The following CNPY3 variants were observed in gnomAD, a reference collection of about 807,000 sequenced individuals.
CNPY3 encodes the protein protein canopy homolog 3.
Under a neutral mutation model 32.0 loss-of-function variants are expected in CNPY3, and 20 were observed. The observed-to-expected ratio is 0.63, with a 90% confidence interval of 0.44 to 0.91. CNPY3 has a LOEUF of 0.91. CNPY3 is among the 40% of genes least tolerant of loss of function. CNPY3 has a pLI of 0.00. For synonymous variants in CNPY3, 138 were observed against 142.9 expected (o/e 0.97, Z 0.24); for missense variants, 299 against 340.8 (o/e 0.88, Z 0.97).
In CNPY3 at chr6:42,929,516, C is replaced by T. The variant is rs1301453849; in HGVS notation, c.-55C>T. On this transcript the variant is annotated 5_prime_UTR_variant, in exon 1 of 6. Transcript: ENST00000372836. ...AGCGGCGAGGGGAAACTGCTCCGCGCGCGCCGCGGGAGGAGGAACCGCCCG... is the reference window on the plus strand; with the variant it reads ...AGCGGCGAGGGGAAACTGCTCCGCGTGCGCCGCGGGAGGAGGAACCGCCCG... 2.7e-6 allele frequency: 4 copies of T among 1,493,266 alleles called. No individual in the cohort carries two copies. Among genetic ancestry groups the T allele is most frequent in the East Asian group, 2.4e-5 (1 of 42,210 alleles). The allele number at this position is 1,493,266 out of a possible 1,614,324, so 92.5% of individuals were successfully genotyped here. A position where few individuals can be genotyped will look rare whatever the true frequency, so the allele number is the denominator to read the frequency against.
upstream of CNPY3, among the ~76,000 whole-genome samples, chr6:42,928,380 G>T (rs981688710): frequency 5.3e-5 from 8 of 152,026 alleles, no homozygotes; most frequent in African/African-American, 1.9e-4. Context: ...CTGGCCTCAA[G>T]CAGTTCTCCC....
At chr6:42,937,404 A>C (rs1768308546) in intron 3 of CNPY3, among the ~76,000 whole-genome samples, 1 of 151,996 alleles carries the variant, frequency 6.6e-6, no homozygotes, top group Non-Finnish European at 1.5e-5. Flanking sequence ...GGAGTTCGAG[A>C]CCAGCCTGAC....
In CNPY3 at chr6:42,938,155, A is replaced by C. The variant is rs1221454086; in HGVS notation, c.561A>C (p.Glu187Asp). The C allele has an allele frequency of 1.2e-6, 2 of 1,614,198 alleles. No homozygotes were observed. Among genetic ancestry groups the C allele is most frequent in the Admixed American group, 3.3e-5 (2 of 60,024 alleles). The change falls in exon 5 of 6, where the codon GAA (glutamate) becomes GAC (aspartate). Residue 187 changes from glutamate (E) to aspartate (D), a missense_variant. Around this residue, in one of 2 missense-constraint regions of CNPY3, gnomAD observed 211 missense variants for 278.3 expected, o/e 0.76. Transcript: ENST00000372836. The stretch of plus-strand genomic sequence containing the variant: ...ACTGGTACAGGAACCACCAGGAGGA[A>C]GACCTGACTGAATTCCTCTGCGCCA... ...IEDWYRNHQEEDLTEFLCANH... is the reference protein window; with the variant it reads ...IEDWYRNHQEDDLTEFLCANH...
In CNPY3 at chr6:42,938,226, G is replaced by T; in HGVS notation, c.613+19G>T. ...GACACCAGTGAGTTTGGGGAAGCAA[G>T]GGCAGGCTGGCTCTGGATGATTTGT... On this transcript the variant is annotated intron_variant, in intron 5 of 5. Transcript: ENST00000372836. 1 of 1,576,480 alleles carries T rather than the reference G, an allele frequency of 6.3e-7. No individual in the cohort carries two copies. The highest frequency in any genetic ancestry group is 2.2e-5 in the East Asian group (1 of 44,714).
In CNPY3 at chr6:42,938,728, C is replaced by G; in HGVS notation, c.774C>G (p.Pro258=). The change falls in exon 6 of 6, where the codon CCC becomes CCG. Residue 258 remains proline, a synonymous_variant. Coordinates refer to ENST00000372836, the MANE Select transcript of CNPY3 (RefSeq NM_006586.5). ...ELGGLEGDPS[P]EEDEGIQKAS... is the part of the protein sequence containing the mutation. ...GTGGCCTTGAGGGAGACCCCAGCCC[C>G]GAGGAGGATGAGGGCATCCAGAAGG... 1 of 1,613,860 alleles carries G rather than the reference C, an allele frequency of 6.2e-7. No homozygotes were observed. The highest frequency in any genetic ancestry group is 8.5e-7 in the Non-Finnish European group (1 of 1,179,886).
At position 42,935,680 on chromosome 6, in the gene CNPY3, G is replaced by A. The variant is rs373064410; in HGVS notation, c.372+10G>A. The A allele has an allele frequency of 2.7e-5, 44 of 1,606,126 alleles. No homozygotes were observed. In the African/African-American group the frequency reaches 2.8e-4, roughly 10 times the overall value. On this transcript the variant is annotated intron_variant, in intron 3 of 5. Coordinates refer to ENST00000372836, the MANE Select transcript of CNPY3 (RefSeq NM_006586.5). ...CAATCGATTTGCCAAGGTTGGATTCGGGATTGTCCTTCATCCGCTCTGGGG... is the reference window on the plus strand; with the variant it reads ...CAATCGATTTGCCAAGGTTGGATTCAGGATTGTCCTTCATCCGCTCTGGGG...
chr6:42,938,308 T>C (rs1401522060), intron 5 of CNPY3, 101 bp downstream of exon 5: 11 of 939,218 alleles, frequency 1.2e-5, no homozygotes, highest in African/African-American at 1.6e-5. Context: ...CAGAGGGCAT[T>C]GTAGGATCTC....
intron 1 of CNPY3, 87 bp downstream of exon 1, chr6:42,929,808 G>A: frequency 7.0e-7 from 1 of 1,422,546 alleles, no homozygotes; most frequent in Non-Finnish European, 9.4e-7. Context: ...GGGGTTGCAA[G>A]GTTCCGAGCT....
At chr6:42,937,686 T>G (rs548569973) in intron 3 of CNPY3, 31 bp from the exon 4 acceptor site, 2 of 1,609,244 alleles carry the variant, frequency 1.2e-6, no homozygotes, top group South Asian at 2.2e-5. Flanking sequence ...AGAAGGGAGC[T>G]CCGCCTGCCA....
At position 42,935,615 on chromosome 6, in the gene CNPY3, G is replaced by T. The variant is rs1322339827; in HGVS notation, c.317G>T (p.Arg106Met). ...GAAGTCACTGAGACCATTTGCAAGAGGCTCCTGGATTATAGCCTGCACAAG... is the reference window on the plus strand; with the variant it reads ...GAAGTCACTGAGACCATTTGCAAGATGCTCCTGGATTATAGCCTGCACAAG... ...LIEVTETICKRLLDYSLHKER... is the reference protein window; with the variant it reads ...LIEVTETICKMLLDYSLHKER... The change falls in exon 3 of 6, where the codon AGG (arginine) becomes ATG (methionine). Residue 106 changes from arginine (R) to methionine (M), a missense_variant. Transcript: ENST00000372836. The T allele has an allele frequency of 4.3e-6, 7 of 1,612,126 alleles. No individual in the cohort carries two copies. The highest frequency in any genetic ancestry group is 2.7e-5 in the African/African-American group (2 of 74,876).
At chr6:42,935,737 G>A (rs1768176936) in intron 3 of CNPY3, 67 bp downstream of exon 3, 2 of 1,516,424 alleles carry the variant, frequency 1.3e-6, no homozygotes, top group Admixed American at 3.6e-5. Context: ...TGTGTCTGCT[G>A]GTGTGAGTGT....
chr6:42,930,850 G>T (rs1767744974), intron 1 of CNPY3, among the ~76,000 whole-genome samples: 1 of 151,848 alleles, frequency 6.6e-6, no homozygotes, highest in Non-Finnish European at 1.5e-5. Context: ...CACCCAGTAT[G>T]AGTTCAAGCC....
At chr6:42,929,476 G>A (rs951412523), upstream of CNPY3, 4 of 1,307,124 alleles carry the variant, frequency 3.1e-6, no homozygotes, top group Non-Finnish European at 4.1e-6. Flanking sequence ...TCGGAGGCAC[G>A]TGTGCAGTCC....
chr6:42,929,754 C>T, intron 1 of CNPY3, 33 bp downstream of exon 1: 2 of 1,529,178 alleles, frequency 1.3e-6, no homozygotes. Context: ...GCGTATCCTG[C>T]CGGAGGGGCT....
At chr6:42,936,684 G>A (rs577265935) in intron 3 of CNPY3, among the ~76,000 whole-genome samples, 2 of 152,078 alleles carry the variant, frequency 1.3e-5, no homozygotes, top group African/African-American at 2.4e-5. Context: ...TACAGGCACC[G>A]ACCACCACGC....
Position 42,938,877 on chromosome 6 carries a change from G to T in CNPY3, c.*86G>T. The T allele has an allele frequency of 1.4e-6, 2 of 1,457,542 alleles. No homozygotes were observed. The highest frequency in any genetic ancestry group is 2.6e-5 in the Admixed American group (1 of 37,822). The allele number at this position is 1,457,542 out of a possible 1,614,324, so 90.3% of individuals were successfully genotyped here. A position where few individuals can be genotyped will look rare whatever the true frequency, so the allele number is the denominator to read the frequency against. On this transcript the variant is annotated 3_prime_UTR_variant, in exon 6 of 6. Coordinates refer to ENST00000372836, the MANE Select transcript of CNPY3 (RefSeq NM_006586.5). ...GGCTCTGGCAGGCCGGGATGGCCCC[G>T]CAGCCTTCAGCCCCTCCTTGCCTTG...
At chr6:42,933,413 G>A (rs1767977388) in intron 1 of CNPY3, among the ~76,000 whole-genome samples, 1 of 152,156 alleles carries the variant, frequency 6.6e-6, no homozygotes, top group Admixed American at 6.5e-5. Flanking sequence ...TTTGAGGAAG[G>A]GTAAGAGGAA....
At chr6:42,931,696 C>T (rs1370510480) in intron 1 of CNPY3, among the ~76,000 whole-genome samples, 1 of 151,546 alleles carries the variant, frequency 6.6e-6, no homozygotes, top group Non-Finnish European at 1.5e-5. Context: ...TTCGCTTCCT[C>T]TTCTCTTTCT....
intron 1 of CNPY3, among the ~76,000 whole-genome samples, chr6:42,933,402 A>G (rs1767975933): frequency 6.6e-6 from 1 of 152,148 alleles, no homozygotes; most frequent in Non-Finnish European, 1.5e-5. Context: ...CCTAATACCT[A>G]TTTGAGGAAG....
Sources: allele counts gnomAD v4.1 joint callset (sites outside exome capture counted in the v4.1 genomes callset), GRCh38; gene constraint gnomAD v4.1.1; regional missense constraint gnomAD v4.1.1; transcripts MANE v1.5; gene names NCBI Gene and HGNC (gene_info 2026-07-23, HGNC 2026-07-21).